The following PRR11 variants were observed in gnomAD, a reference collection of about 807,000 sequenced individuals.
The protein encoded by PRR11 is proline rich 11, also known as proline-rich protein 11.
Under a neutral mutation model 45.6 loss-of-function variants are expected in PRR11, and 30 were observed. That is an observed-to-expected ratio of 0.66 (90% CI 0.49 to 0.89). The LOEUF (loss-of-function observed/expected upper bound fraction) is 0.89. Ranked by LOEUF, PRR11 falls within the 40% of genes least tolerant of loss-of-function variation. The probability of loss-of-function intolerance (pLI) is 0.00; values close to 1 mark genes in which losing one functional copy is unlikely to be tolerated. For missense variants in PRR11, 373 were observed against 424.8 expected (o/e 0.88, Z 1.07); for synonymous variants, 128 against 153.5 (o/e 0.83, Z 1.23).
chr17:59,162,648 A>C (rs1007684997), intron 1 of PRR11, among the ~76,000 whole-genome samples: 1 of 149,768 alleles, frequency 6.7e-6, no homozygotes, highest in Non-Finnish European at 1.5e-5. Context: ...CATTCATACT[A>C]TTATTTCATG....
intron 1 of PRR11, among the ~76,000 whole-genome samples, chr17:59,158,219 C>G (rs2046635353): frequency 6.6e-6 from 1 of 152,094 alleles, no homozygotes. Flanking sequence ...GACTTGGACT[C>G]TTCAAAATTA....
At chr17:59,196,134 G>A (rs1268328955) in intron 7 of PRR11, among the ~76,000 whole-genome samples, 1 of 149,580 alleles carries the variant, frequency 6.7e-6, no homozygotes, top group Non-Finnish European at 1.5e-5. Flanking sequence ...TCTTAAAACA[G>A]GATTTTATCT....
chr17:59,173,841 C>T (rs1264701626), intron 2 of PRR11, among the ~76,000 whole-genome samples: 2 of 152,144 alleles, frequency 1.3e-5, no homozygotes, highest in Non-Finnish European at 2.9e-5. Flanking sequence ...GGCTCCTCTC[C>T]TCCTTCCTGG....
intron 2 of PRR11, among the ~76,000 whole-genome samples, chr17:59,170,254 G>GA (rs540230793): frequency 1.9e-4 from 28 of 143,812 alleles, no homozygotes; most frequent in East Asian, 1.8e-3. Flanking sequence ...CTCCCTCTCA[G>GA]AAAAAAAAAA....
chr17:59,184,188 T>G (rs565256725), intron 2 of PRR11, among the ~76,000 whole-genome samples: 3 of 150,468 alleles, frequency 2.0e-5, no homozygotes, highest in African/African-American at 7.3e-5. Context: ...CTGGCCGGGC[T>G]CAGTGGCTCA....
In PRR11 at chr17:59,202,842, C is replaced by T. The variant is rs1345878156; in HGVS notation, c.*1211C>T. 2 of 152,124 alleles carry T rather than the reference C, an allele frequency of 1.3e-5. No homozygotes were observed. Among genetic ancestry groups the T allele is most frequent in the Admixed American group, 6.6e-5 (1 of 15,254 alleles). The allele number at this position is 152,124 out of a possible 1,614,324, so 9.4% of individuals were successfully genotyped here. A position where few individuals can be genotyped will look rare whatever the true frequency, so the allele number is the denominator to read the frequency against. On this transcript the variant is annotated 3_prime_UTR_variant, in exon 10 of 10. Coordinates refer to ENST00000262293, the MANE Select transcript of PRR11 (RefSeq NM_018304.4). ...AAAGACAGTAATACAGCCTGGGAAA[C>T]ATAGCGAGACCCTGTCTCTATCAAA...
rs1247893076 is a variant in PRR11, at chr17:59,204,856, C to G, written c.*3225C>G. Among the ~76,000 whole-genome samples, 1 of 151,946 alleles carries G rather than the reference C, an allele frequency of 6.6e-6. No individual in the cohort carries two copies. The highest frequency in any genetic ancestry group is 2.4e-5 in the African/African-American group (1 of 41,364). On this transcript the variant is annotated 3_prime_UTR_variant, in exon 10 of 10. Coordinates refer to ENST00000262293, the MANE Select transcript of PRR11 (RefSeq NM_018304.4). ...CAAGCCTGGGCAACATTGCAAGACCCCAACTCTACAAAAAACGAAAAATTA... is the reference window on the plus strand; with the variant it reads ...CAAGCCTGGGCAACATTGCAAGACCGCAACTCTACAAAAAACGAAAAATTA...
At chr17:59,186,282 T>TGGCCATCCTTATTTTCC (rs1423955704) in intron 4 of PRR11, among the ~76,000 whole-genome samples, 12 of 151,612 alleles carry the variant, frequency 7.9e-5, no homozygotes, top group African/African-American at 2.9e-4. Flanking sequence ...GGAGATTTTT[T>TGGCCATCCTTATTTTCC]GGCCATCCTT....
Position 59,202,626 on chromosome 17 carries a change from T to C in PRR11, c.*995T>C, listed in dbSNP as rs2046898463. The C allele has an allele frequency of 6.6e-6, 1 of 152,196 alleles. No homozygotes were observed. The highest frequency in any genetic ancestry group is 6.5e-5 in the Admixed American group (1 of 15,276). The allele number at this position is 152,196 out of a possible 1,614,324, so 9.4% of individuals were successfully genotyped here. On this transcript the variant is annotated 3_prime_UTR_variant, in exon 10 of 10. Transcript: ENST00000262293. ...CTAGCATCTTAGGTAGGTACTTATA[T>C]CTGGCTTACAGAAGTCTAAGGTATT...
chr17:59,170,993 C>A (rs1484406691), intron 2 of PRR11, among the ~76,000 whole-genome samples: 4 of 152,192 alleles, frequency 2.6e-5, no homozygotes, highest in Non-Finnish European at 5.9e-5. Flanking sequence ...GGCGCGGTGG[C>A]TCATGCCCGT....
Position 59,193,571 on chromosome 17 carries a change from GCGTTCTGATCACC to G in PRR11, c.484_496del (p.Val162LeufsTer35). On this transcript the variant is annotated frameshift_variant, in exon 5 of 10. Transcript: ENST00000262293. LOFTEE classifies it high-confidence loss of function. ...GGTAAACTTACAAATGTGCCTGCCT[GCGTTCTGATCACC>G]CCTGGAGACTCCAAAGCTGTGCTTC... is the stretch of plus-strand genomic sequence containing the variant. 2 of 1,614,136 alleles carry G rather than the reference GCGTTCTGATCACC, an allele frequency of 1.2e-6. No individual in the cohort carries two copies. Among genetic ancestry groups the G allele is most frequent in the Non-Finnish European group, 8.5e-7 (1 of 1,180,036 alleles).
At chr17:59,177,050 T>C in intron 2 of PRR11, 1 of 464,120 alleles carries the variant, frequency 2.2e-6, no homozygotes, top group South Asian at 1.7e-5. Context: ...AATCCTCTTT[T>C]TTGTACACAG....
At chr17:59,200,771 C>T (rs530303647) in intron 9 of PRR11, among the ~76,000 whole-genome samples, 5 of 152,186 alleles carry the variant, frequency 3.3e-5, no homozygotes, top group Admixed American at 6.5e-5. Flanking sequence ...GGATTACAGG[C>T]GTGAGCCACC....
At chr17:59,174,923 C>CT (rs1231106934) in intron 2 of PRR11, 9 of 1,059,866 alleles carry the variant, frequency 8.5e-6, no homozygotes, top group African/African-American at 1.6e-5. Context: ...CACCTGATTC[C>CT]TCCCCACCTC....
intron 2 of PRR11, among the ~76,000 whole-genome samples, chr17:59,181,121 C>T (rs1409065981): frequency 6.6e-6 from 1 of 151,666 alleles, no homozygotes; most frequent in Admixed American, 6.6e-5. Flanking sequence ...TCCCAAGTAG[C>T]TAGGACTACA....
At chr17:59,195,168 G>A (rs573593044) in intron 6 of PRR11, among the ~76,000 whole-genome samples, 163 bp from the exon 7 acceptor site, 10 of 152,272 alleles carry the variant, frequency 6.6e-5, no homozygotes, top group African/African-American at 2.4e-4. Context: ...CCCTTAGTCT[G>A]AAGAGGTAGA....
At chr17:59,184,630 A>G (rs2046804510) in intron 2 of PRR11, among the ~76,000 whole-genome samples, 2 of 152,078 alleles carry the variant, frequency 1.3e-5, no homozygotes, top group Admixed American at 1.3e-4. Context: ...CTGGAGTTCA[A>G]ATTTCCATTC....
At chr17:59,166,382 G>C (rs150506814) in intron 1 of PRR11, among the ~76,000 whole-genome samples, 1 of 152,224 alleles carries the variant, frequency 6.6e-6, no homozygotes, top group Non-Finnish European at 1.5e-5. Flanking sequence ...AAGCCCTTCT[G>C]GAACTTCAGC....
rs1254172319 is a variant in PRR11, at chr17:59,202,612, G to GGT, written c.*982_*983dup. The GGT allele has an allele frequency of 6.6e-6, 1 of 152,010 alleles. No homozygotes were observed. Among genetic ancestry groups the GGT allele is most frequent in the African/African-American group, 2.4e-5 (1 of 41,398 alleles). 9.4% of individuals were successfully genotyped at this position (152,010 alleles called of 1,614,324 possible). A position where few individuals can be genotyped will look rare whatever the true frequency, so the allele number is the denominator to read the frequency against. ...TTAGAATATCATTTCTAGCATCTTA[G>GGT]GTAGGTACTTATATCTGGCTTACAG... On this transcript the variant is annotated 3_prime_UTR_variant, in exon 10 of 10. Transcript: ENST00000262293.
Sources: allele counts gnomAD v4.1 joint callset (sites outside exome capture counted in the v4.1 genomes callset), GRCh38; gene constraint gnomAD v4.1.1; transcripts MANE v1.5; gene names NCBI Gene and HGNC (gene_info 2026-07-23, HGNC 2026-07-21).